The following ADGRD2 variants were observed in gnomAD, a reference collection of about 807,000 sequenced individuals.
The protein encoded by ADGRD2 is adhesion G protein-coupled receptor D2, also known as G protein-coupled receptor PGR24.
ADGRD2 carries 71 observed loss-of-function variants against 44.4 expected under a neutral mutation model. That is an observed-to-expected ratio of 1.60 (90% CI 1.32 to 1.95). The LOEUF is 1.95. ADGRD2 is among the 30% of genes most tolerant of loss of function. The probability of loss-of-function intolerance (pLI) is 0.00; values close to 1 mark genes in which losing one functional copy is unlikely to be tolerated. For synonymous variants in ADGRD2, 481 were observed against 224.8 expected (o/e 2.14, Z -10.19); for missense variants, 1,039 against 512.4 (o/e 2.03, Z -9.92).
At chr9:124,472,902 C>T (rs773300777) in intron 17 of ADGRD2, among the ~76,000 whole-genome samples, 9 of 152,352 alleles carry the variant, frequency 5.9e-5, no homozygotes, top group South Asian at 4.1e-4. Flanking sequence ...ACCCTTGGGA[C>T]GGTCACCCGG....
chr9:124,472,759 C>A (rs554131285), intron 17 of ADGRD2, among the ~76,000 whole-genome samples: 1 of 152,222 alleles, frequency 6.6e-6, no homozygotes, highest in African/African-American at 2.4e-5. Flanking sequence ...CCTCCCGCCT[C>A]GGCCTCCCAA....
exon 11 of ADGRD2, chr9:124,466,413 G>A: frequency 2.8e-6 from 2 of 711,206 alleles, no homozygotes; most frequent in Non-Finnish European, 5.3e-6. Flanking sequence ...ATGAAGTACA[G>A]GTGAGTGCAC....
chr9:124,460,107 C>G (rs867887052), intron 10 of ADGRD2, among the ~76,000 whole-genome samples: 6 of 149,844 alleles, frequency 4.0e-5, no homozygotes, highest in Admixed American at 6.6e-5. Flanking sequence ...CACACACACA[C>G]ACACCAACCA....
In ADGRD2 at chr9:124,468,503, C is replaced by A; in HGVS notation, c.2234-16C>A. On this transcript the variant is annotated splice_polypyrimidine_tract_variant and intron_variant, in intron 13 of 21. Coordinates refer to ENST00000334810, the Ensembl canonical transcript of ADGRD2. ...TCTGACCTCGGACCTGGGTGGGGAT[C>A]CTGACCCTCCCACAGGTGGCATGTG... The A allele has an allele frequency of 1.4e-6, 1 of 718,282 alleles. No homozygotes were observed. The highest frequency in any genetic ancestry group is 2.6e-6 in the Non-Finnish European group (1 of 385,092). 44.5% of individuals were successfully genotyped at this position (718,282 alleles called of 1,614,324 possible).
At chr9:124,474,914 G>A (rs533661713) in intron 17 of ADGRD2, among the ~76,000 whole-genome samples, 32 of 152,176 alleles carry the variant, frequency 2.1e-4, no homozygotes, top group Non-Finnish European at 4.0e-4. Flanking sequence ...CCCCAGCCAC[G>A]GTGTGAGTCC....
At chr9:124,470,406 GGCACGTACAGGT>G in intron 16 of ADGRD2, 76 bp from the exon 20 acceptor site, 1 of 641,760 alleles carries the variant, frequency 1.6e-6, no homozygotes, top group Non-Finnish European at 2.9e-6. Context: ...CCCCGCTCCA[GGCACGTACAGGT>G]GCTGCTCTCC....
upstream of ADGRD2, chr9:124,451,968 G>C (rs1206057564): frequency 1.5e-6 from 1 of 667,414 alleles, no homozygotes; most frequent in Admixed American, 2.1e-5. Context: ...ATCCAGGTCT[G>C]ACTGCAGAGT....
At chr9:124,477,826 G>C (rs968556480) in intron 21 of ADGRD2, among the ~76,000 whole-genome samples, 8 of 151,274 alleles carry the variant, frequency 5.3e-5, no homozygotes, top group African/African-American at 1.9e-4. Flanking sequence ...CCCACCCGCG[G>C]GCGCCGCGGC....
At chr9:124,450,513 G>A (rs1831446018), upstream of ADGRD2, among the ~76,000 whole-genome samples, 1 of 152,266 alleles carries the variant, frequency 6.6e-6, no homozygotes, top group Non-Finnish European at 1.5e-5. Flanking sequence ...CATAGCGGGT[G>A]AGGAACTGGA....
At chr9:124,455,295 A>G (rs972374905) in intron 6 of ADGRD2, among the ~76,000 whole-genome samples, 168 bp downstream of exon 9, 5 of 152,198 alleles carry the variant, frequency 3.3e-5, no homozygotes, top group Admixed American at 3.3e-4. Flanking sequence ...ACTTCCACAA[A>G]CAATTGCACT....
chr9:124,458,894 C>T lies in ADGRD2; in HGVS notation c.1870+173C>T, dbSNP rs761475475. ...GAATGGGAAGGGAAGCGATTGACTG[C>T]AGGGTCACCTTATGGCAGGTGCCAC... On this transcript the variant is annotated intron_variant, in intron 10 of 21. Coordinates refer to ENST00000334810, the Ensembl canonical transcript of ADGRD2. 5.1e-4 allele frequency among the ~76,000 whole-genome samples: 77 copies of T among 152,258 alleles called. 1 individual carries two copies. The highest frequency in any genetic ancestry group is 2.0e-4 in the Admixed American group (3 of 15,292).
rs1409817265 is a variant in ADGRD2, at chr9:124,454,978, C to T, written c.1246C>T (p.Arg416Cys). Reference sequence around the variant, plus strand: ...GCCGGCCGCACTGCTGGCTGTTGTCCGCTTCCTGAAGAGGGTGGTGGCCCT... The same window carrying T: ...GCCGGCCGCACTGCTGGCTGTTGTCTGCTTCCTGAAGAGGGTGGTGGCCCT... Residue 416 changes from arginine (R) to cysteine (C), a missense_variant, in exon 6 of 22, where the codon CGC becomes TGC. Physicochemically the swap from Arg to Cys is radical, Grantham distance 180. Coordinates refer to ENST00000334810, the Ensembl canonical transcript of ADGRD2. This position sits in a 1 kb window ranked among gnomAD's most constrained non-coding sequence, Gnocchi z 4.5. The T allele has an allele frequency of 3.5e-5, 25 of 718,224 alleles. No homozygotes were observed. Among genetic ancestry groups the T allele is most frequent in the Non-Finnish European group, 5.7e-5 (22 of 385,112 alleles). The allele number at this position is 718,224 out of a possible 1,614,324, so 44.5% of individuals were successfully genotyped here.
chr9:124,462,478 C>T (rs1305308622), intron 10 of ADGRD2, among the ~76,000 whole-genome samples: 2 of 152,202 alleles, frequency 1.3e-5, no homozygotes, highest in Non-Finnish European at 2.9e-5. Context: ...TTTTCATTAA[C>T]ATCGCATTGA....
chr9:124,453,932 C>T (rs1831560697), intron 3 of ADGRD2, 67 bp from the exon 7 acceptor site: 3 of 610,744 alleles, frequency 4.9e-6, no homozygotes, highest in South Asian at 3.8e-5. Context: ...CACCTAACCC[C>T]GGGGCCGTGC....
intron 1 of ADGRD2, 52 bp from the exon 5 acceptor site, chr9:124,452,458 G>A: frequency 1.4e-6 from 1 of 717,544 alleles, no homozygotes; most frequent in Non-Finnish European, 2.6e-6. Flanking sequence ...AGCCCTGGAA[G>A]AGTCAGATGC....
intron 10 of ADGRD2, among the ~76,000 whole-genome samples, chr9:124,459,290 G>A (rs189475262): frequency 1.6e-3 from 242 of 152,246 alleles, no homozygotes; most frequent in Non-Finnish European, 2.8e-3. Flanking sequence ...TCAGGAGTTC[G>A]AAACCAGCCT....
chr9:124,467,941 C>T (rs1831859892), intron 12 of ADGRD2, 117 bp downstream of exon 15: 2 of 700,068 alleles, frequency 2.9e-6, no homozygotes, highest in Non-Finnish European at 2.7e-6. Flanking sequence ...TGGTCTGAGC[C>T]TCTCCTTAGG....
At chr9:124,453,787 C>T in intron 3 of ADGRD2, 111 bp downstream of exon 6, 1 of 617,906 alleles carries the variant, frequency 1.6e-6, no homozygotes. Context: ...CTGGCCACGC[C>T]CTCTCCAGGC....
intron 10 of ADGRD2, among the ~76,000 whole-genome samples, chr9:124,464,336 C>A (rs760531959): frequency 3.9e-5 from 6 of 152,146 alleles, no homozygotes; most frequent in Non-Finnish European, 7.3e-5. Context: ...GGGCACATAA[C>A]ACTATATATA....
Sources: gnomAD v4.1 joint callset for allele counts (sites outside exome capture counted in the v4.1 genomes callset) on GRCh38, gnomAD v4.1.1 for gene constraint, Gnocchi (gnomAD v3.1) non-coding constraint, MANE v1.5 for transcripts, NCBI Gene and HGNC (gene_info 2026-07-23, HGNC 2026-07-21) for gene names.